The following ARL15 variants were observed in gnomAD, a reference collection of about 807,000 sequenced individuals.
The protein encoded by ARL15 is ADP-ribosylation factor-like protein 15.
Under a neutral mutation model 25.2 loss-of-function variants are expected in ARL15, and 19 were observed. The ratio of observed to expected loss-of-function variants is 0.75; its 90% CI spans 0.53 to 1.10. ARL15 has a LOEUF of 1.10. ARL15 is among the 50% of genes least tolerant of loss of function. The pLI is 0.00. For missense variants in ARL15, 220 were observed against 246.0 expected (o/e 0.89, Z 0.71); for synonymous variants, 94 against 86.8 (o/e 1.08, Z -0.46).
chr5:54,290,409 C>T (rs1464249806), intron 1 of ARL15, among the ~76,000 whole-genome samples: 3 of 151,188 alleles, frequency 2.0e-5, no homozygotes, highest in Non-Finnish European at 4.4e-5. Flanking sequence ...TGGGTTCAAG[C>T]GATTCTCCTG....
At chr5:54,180,188 A>C (rs1325354456) in intron 1 of ARL15, among the ~76,000 whole-genome samples, 1 of 152,162 alleles carries the variant, frequency 6.6e-6, no homozygotes, top group Admixed American at 6.5e-5. Context: ...AAGTAAAATA[A>C]ATAAGCAAAT....
Position 54,087,074 on chromosome 5 carries a change from C to T in ARL15, c.462+26128G>A, listed in dbSNP as rs112283665. Among the ~76,000 whole-genome samples, 10 of 152,112 alleles carry T rather than the reference C, an allele frequency of 6.6e-5. 1 individual carries two copies. The Middle Eastern group carries it at 0.014, about 207-fold the overall frequency. On this transcript the variant is annotated intron_variant, in intron 4 of 4. Coordinates refer to ENST00000504924, the MANE Select transcript of ARL15 (RefSeq NM_019087.3). ...CAGAGTCACTGGGCGTGGTGGCTCA[C>T]GCCTGTAATCGCAGCACTTTGAGAG...
At chr5:54,090,749 C>A (rs1394696147) in intron 4 of ARL15, among the ~76,000 whole-genome samples, 2 of 151,988 alleles carry the variant, frequency 1.3e-5, no homozygotes, top group African/African-American at 2.4e-5. Context: ...ATTATAAAAT[C>A]CTTGGAATGC....
chr5:53,897,044 T>C (rs1744895412), intron 4 of ARL15, among the ~76,000 whole-genome samples: 3 of 152,216 alleles, frequency 2.0e-5, no homozygotes, highest in Admixed American at 2.0e-4. Context: ...AGCACATGTT[T>C]TACTATCTTT....
In ARL15 at chr5:54,225,852, G is replaced by C. The variant is rs920457560; in HGVS notation, c.49-53924C>G. The stretch of plus-strand genomic sequence containing the variant: ...AAGGAGAGCTGAAGAAATTCAATTG[G>C]ATTACCATCTACCTTCTCATTGAAA... On this transcript the variant is annotated intron_variant, in intron 1 of 4. Transcript: ENST00000504924. 9.9e-5 allele frequency among the ~76,000 whole-genome samples: 15 copies of C among 152,210 alleles called. No homozygotes were observed. In the East Asian group the frequency reaches 2.9e-3, roughly 29 times the overall value.
intron 4 of ARL15, among the ~76,000 whole-genome samples, chr5:54,098,897 G>GTAA (rs1345717169): frequency 6.6e-6 from 1 of 152,162 alleles, no homozygotes. Flanking sequence ...GTAATACAAA[G>GTAA]TAATCCATCT....
chr5:54,205,300 C>A (rs1292987540), intron 1 of ARL15, among the ~76,000 whole-genome samples: 1 of 152,146 alleles, frequency 6.6e-6, no homozygotes, highest in African/African-American at 2.4e-5. Flanking sequence ...GCTCAGAGAT[C>A]GCTTGCCCAA....
intron 2 of ARL15, among the ~76,000 whole-genome samples, chr5:54,163,116 TGA>T (rs1302805837): frequency 6.6e-6 from 1 of 152,112 alleles, no homozygotes; most frequent in Non-Finnish European, 1.5e-5. Context: ...AAATTGATGC[TGA>T]GTTTTTTTTG....
At chr5:53,995,299 G>A (rs1310916573) in intron 4 of ARL15, among the ~76,000 whole-genome samples, 11 of 95,678 alleles carry the variant, frequency 1.1e-4, no homozygotes, top group East Asian at 7.0e-4. Flanking sequence ...GCGAGACTCC[G>A]TCACAAAAAA....
At chr5:53,955,485 T>A (rs1316092060) in intron 4 of ARL15, among the ~76,000 whole-genome samples, 5 of 152,112 alleles carry the variant, frequency 3.3e-5, no homozygotes, top group Non-Finnish European at 7.4e-5. Flanking sequence ...AAACTTACAA[T>A]TTAAAGTAGG....
chr5:54,046,909 T>C (rs1263250556), intron 4 of ARL15, among the ~76,000 whole-genome samples: 3 of 152,156 alleles, frequency 2.0e-5, no homozygotes, highest in Admixed American at 6.5e-5. Flanking sequence ...GGGGAATGCC[T>C]GGACAGCTGT....
At chr5:53,944,817 CAA>C (rs1746670863) in intron 4 of ARL15, among the ~76,000 whole-genome samples, 1 of 152,128 alleles carries the variant, frequency 6.6e-6, no homozygotes, top group East Asian at 1.9e-4. Flanking sequence ...TAAGGCCTAG[CAA>C]AGTGTCTGGC....
At chr5:54,109,581 T>G (rs924730343) in intron 4 of ARL15, among the ~76,000 whole-genome samples, 1 of 151,976 alleles carries the variant, frequency 6.6e-6, no homozygotes, top group African/African-American at 2.4e-5. Flanking sequence ...ACCCTCCTGA[T>G]CTATTAAATA....
intron 3 of ARL15, among the ~76,000 whole-genome samples, chr5:54,117,440 T>A (rs1752939871): frequency 7.3e-6 from 1 of 137,714 alleles, no homozygotes; most frequent in African/African-American, 2.5e-5. Context: ...CTTTAAAAAA[T>A]GTCCCTTATA....
intron 4 of ARL15, among the ~76,000 whole-genome samples, chr5:54,054,833 A>G (rs1469040118): frequency 6.6e-6 from 1 of 152,048 alleles, no homozygotes; most frequent in Non-Finnish European, 1.5e-5. Flanking sequence ...AAAGGTGTTA[A>G]TCTGAAGCAG....
At chr5:54,058,927 T>C (rs1750973479) in intron 4 of ARL15, among the ~76,000 whole-genome samples, 2 of 152,202 alleles carry the variant, frequency 1.3e-5, no homozygotes, top group Non-Finnish European at 2.9e-5. Flanking sequence ...GGAGTGATGA[T>C]GGAAGCACTG....
At chr5:54,149,225 A>C (rs991517131) in intron 3 of ARL15, among the ~76,000 whole-genome samples, 2 of 152,180 alleles carry the variant, frequency 1.3e-5, no homozygotes, top group African/African-American at 4.8e-5. Context: ...AAACAGAAGG[A>C]AAGGTGATGA....
chr5:54,271,912 T>G (rs887306648), intron 1 of ARL15, among the ~76,000 whole-genome samples: 5 of 122,574 alleles, frequency 4.1e-5, no homozygotes, highest in Non-Finnish European at 8.4e-5. Flanking sequence ...TAACATTTAT[T>G]TATTTATTTA....
chr5:53,914,291 G>C (rs1015968569), intron 4 of ARL15, among the ~76,000 whole-genome samples: 7 of 151,792 alleles, frequency 4.6e-5, no homozygotes, highest in African/African-American at 1.7e-4. Context: ...CGTGTAGAAA[G>C]CCTTAAGGAA....
Sources: gnomAD v4.1 joint callset for allele counts (sites outside exome capture counted in the v4.1 genomes callset) on GRCh38, gnomAD v4.1.1 for gene constraint, MANE v1.5 for transcripts, NCBI Gene and HGNC (gene_info 2026-07-23, HGNC 2026-07-21) for gene names.